Variants in FAM178B observed in about 807,000 individuals in gnomAD.
The protein encoded by FAM178B is family with sequence similarity 178 member B.
In FAM178B, 82 loss-of-function variants were observed where a neutral mutation model predicts 91.7. The ratio of observed to expected loss-of-function variants is 0.89; its 90% CI spans 0.75 to 1.07. The LOEUF is 1.07. FAM178B is among the 50% of genes least tolerant of loss of function. FAM178B has a pLI of 0.00. For missense variants in FAM178B, 769 were observed against 846.7 expected, an observed-to-expected ratio of 0.91 and a Z score of 1.14; for synonymous variants, 368 against 359.4, an observed-to-expected ratio of 1.02 and a Z score of -0.27.
chr2:96,955,145 C>T (rs2081980750), intron 6 of FAM178B, among the ~76,000 whole-genome samples: 1 of 152,184 alleles, frequency 6.6e-6, no homozygotes, highest in Non-Finnish European at 1.5e-5. Flanking sequence ...GCAGGTGGAT[C>T]ACCTGAGGTT....
Position 96,877,875 on chromosome 2 carries a change from T to C in FAM178B, c.2007+15A>G, listed in dbSNP as rs1453197060. ...TCCCGCCCCTCCCAGGTCTGGGGGC[T>C]AGAGGGGGCACCACCTGGGGCTGGC... is the stretch of plus-strand genomic sequence containing the variant. On this transcript the variant is annotated intron_variant, in intron 16 of 16. Coordinates refer to ENST00000490605, the MANE Select transcript of FAM178B (RefSeq NM_001122646.3). 8 of 1,611,022 alleles carry C rather than the reference T, an allele frequency of 5.0e-6. No individual in the cohort carries two copies. The highest frequency in any genetic ancestry group is 2.5e-6 in the Non-Finnish European group (3 of 1,179,694).
intron 6 of FAM178B, 172 bp from the exon 7 acceptor site, chr2:96,951,656 A>G (rs2081930140): frequency 1.7e-6 from 1 of 594,502 alleles, no homozygotes; most frequent in Non-Finnish European, 3.0e-6. Context: ...TCAGAAGGAA[A>G]AGAACCCAGG....
In FAM178B at chr2:96,973,206, C is replaced by CA. The variant is rs11308380; in HGVS notation, c.74-601dup. Among the ~76,000 whole-genome samples, 228 of 138,374 alleles carry CA rather than the reference C, an allele frequency of 1.6e-3. 5 individuals carry two copies. In the South Asian group the frequency reaches 0.025, roughly 15 times the overall value. The allele number at this position is 138,374 out of a possible 152,430, so 90.8% of individuals were successfully genotyped here. A position where few individuals can be genotyped will look rare whatever the true frequency, so the allele number is the denominator to read the frequency against. On this transcript the variant is annotated intron_variant, in intron 1 of 16. Transcript: ENST00000490605. Reference sequence around the variant, plus strand: ...CTGGCAACAGAGTGAGACTCCATTTCAAAAAAAAAAAAAACCAAAACCAAA... The same window carrying CA: ...CTGGCAACAGAGTGAGACTCCATTTCAAAAAAAAAAAAAAACCAAAACCAAA...
intron 14 of FAM178B, among the ~76,000 whole-genome samples, chr2:96,891,265 G>T (rs1299843043): frequency 6.6e-6 from 1 of 152,194 alleles, no homozygotes; most frequent in Non-Finnish European, 1.5e-5. Context: ...CGATGTGCTG[G>T]GATTGGTTCT....
chr2:96,951,178 T>C (rs1000539685), intron 7 of FAM178B, among the ~76,000 whole-genome samples: 3 of 152,126 alleles, frequency 2.0e-5, no homozygotes, highest in Admixed American at 6.5e-5. Flanking sequence ...GCGAACCCCC[T>C]GCACCTCCCT....
chr2:96,888,037 T>C (rs1465400570), intron 14 of FAM178B, among the ~76,000 whole-genome samples: 1 of 152,360 alleles, frequency 6.6e-6, no homozygotes, highest in South Asian at 2.1e-4. Context: ...CCAGAATTTC[T>C]GGGACCCAAA....
At chr2:96,905,005 C>T (rs1160241419) in intron 12 of FAM178B, among the ~76,000 whole-genome samples, 2 of 151,724 alleles carry the variant, frequency 1.3e-5, no homozygotes, top group Admixed American at 6.6e-5. Flanking sequence ...TCATGATCTA[C>T]CCACCTCAGC....
chr2:96,880,600 A>ATTT (rs573675502), intron 14 of FAM178B, among the ~76,000 whole-genome samples: 8 of 148,612 alleles, frequency 5.4e-5, no homozygotes, highest in African/African-American at 2.0e-4. Context: ...GGTTTAAAAC[A>ATTT]TTTTTTTTTT....
intron 9 of FAM178B, among the ~76,000 whole-genome samples, chr2:96,924,693 G>A (rs1459515841): frequency 6.6e-6 from 1 of 152,200 alleles, no homozygotes; most frequent in Non-Finnish European, 1.5e-5. Flanking sequence ...AGTATGTTAA[G>A]TGAGCTTATG....
At position 96,930,518 on chromosome 2, in the gene FAM178B, C is replaced by T. The variant is rs192825619; in HGVS notation, c.1079-1198G>A. ...GTCCGACTTAGCAGTTGACTTGCTTCTCCTTCTGTCTCTCCCCGGTAGAAC... is the reference window on the plus strand; with the variant it reads ...GTCCGACTTAGCAGTTGACTTGCTTTTCCTTCTGTCTCTCCCCGGTAGAAC... On this transcript the variant is annotated intron_variant, in intron 8 of 16. Transcript: ENST00000490605. Among the ~76,000 whole-genome samples, 10 of 152,326 alleles carry T rather than the reference C, an allele frequency of 6.6e-5. No homozygotes were observed. In the East Asian group the frequency reaches 1.4e-3, roughly 21 times the overall value.
At chr2:96,912,524 G>A (rs756483916) in intron 12 of FAM178B, among the ~76,000 whole-genome samples, 2 of 152,054 alleles carry the variant, frequency 1.3e-5, no homozygotes, top group East Asian at 1.9e-4. Context: ...AGGAAGTGCT[G>A]GTTGCTCATC....
chr2:96,951,121 C>T (rs113232747), intron 7 of FAM178B, among the ~76,000 whole-genome samples: 364 of 152,292 alleles, frequency 2.4e-3, no homozygotes, highest in Non-Finnish European at 3.9e-3. Flanking sequence ...CACACACCTT[C>T]GGGGGAAGCA....
Position 96,972,218 on chromosome 2 carries a change from AG to A in FAM178B, c.246del (p.Cys83AlafsTer61), listed in dbSNP as rs1230527262. Reference protein sequence around the residue: ...DQGPRCPARRPCSPASAPAPT... With the variant: ...DQGPRCPARRXCSPASAPAPT... The stretch of plus-strand genomic sequence containing the variant: ...GGAGCTGGAGCCGAGGCAGGGCTGC[AG>A]GGCCGCCGGGCAGGGCAGCGGGGCC... On this transcript the variant is annotated frameshift_variant, in exon 3 of 17. Transcript: ENST00000490605. LOFTEE classifies it high-confidence loss of function. The A allele has an allele frequency of 6.5e-7, 1 of 1,542,212 alleles. No individual in the cohort carries two copies. The highest frequency in any genetic ancestry group is 2.4e-5 in the East Asian group (1 of 40,874).
chr2:96,903,013 G>T (rs188078594), intron 12 of FAM178B, among the ~76,000 whole-genome samples: 17 of 152,180 alleles, frequency 1.1e-4, no homozygotes, highest in Admixed American at 4.6e-4. Flanking sequence ...GATCCATAGA[G>T]GCAGCAGCAC....
rs531256268 is a variant in FAM178B at position 96,948,142 on chromosome 2, G to T, written c.994-240C>A. ...GCGGCAAAGCCAGCACTCAGGCCCA[G>T]ACACCCAGGTCTGTGCCACTTGAAA... On this transcript the variant is annotated intron_variant, in intron 7 of 16. Coordinates refer to ENST00000490605, the MANE Select transcript of FAM178B (RefSeq NM_001122646.3). Among the ~76,000 whole-genome samples the T allele has an allele frequency of 2.0e-5, 3 of 152,356 alleles. No homozygotes were observed. In the South Asian group the frequency reaches 6.2e-4, roughly 32 times the overall value.
At chr2:96,981,289 T>C (rs1024551131) in intron 1 of FAM178B, among the ~76,000 whole-genome samples, 1 of 152,102 alleles carries the variant, frequency 6.6e-6, no homozygotes, top group Non-Finnish European at 1.5e-5. Context: ...TAATCTCAAA[T>C]GGGTAATACG....
chr2:96,894,846 C>G (rs1288677775), intron 13 of FAM178B, among the ~76,000 whole-genome samples: 1 of 77,134 alleles, frequency 1.3e-5, no homozygotes, highest in East Asian at 5.1e-4. Context: ...ACCCACTCAT[C>G]CCCCCACACA....
At chr2:96,903,632 C>A (rs1365979698) in intron 12 of FAM178B, among the ~76,000 whole-genome samples, 3 of 152,228 alleles carry the variant, frequency 2.0e-5, no homozygotes, top group Non-Finnish European at 2.9e-5. Flanking sequence ...GGCCATCCTG[C>A]CTCCTGGAGG....
intron 6 of FAM178B, among the ~76,000 whole-genome samples, chr2:96,954,270 G>T (rs890509724): frequency 1.3e-5 from 2 of 152,260 alleles, no homozygotes; most frequent in Non-Finnish European, 2.9e-5. Context: ...GACTAGAGAT[G>T]AGGAGGGAGC....
Sources: gnomAD v4.1 joint callset for allele counts (sites outside exome capture counted in the v4.1 genomes callset) on GRCh38, gnomAD v4.1.1 for gene constraint, MANE v1.5 for transcripts, NCBI Gene and HGNC (gene_info 2026-07-23, HGNC 2026-07-21) for gene names.